Variants in PTPRA observed in about 807,000 individuals in gnomAD.
PTPRA encodes the protein protein tyrosine phosphatase receptor type A.
A neutral mutation model predicts 104.8 loss-of-function variants in PTPRA; 25 were observed. The observed-to-expected ratio is 0.24, with a 90% CI of 0.17 to 0.33. PTPRA has a LOEUF of 0.33. PTPRA is among the 10% of genes least tolerant of loss of function. The pLI, the probability that PTPRA is intolerant of heterozygous loss-of-function variation, is 1.00. For missense variants in PTPRA, 765 were observed against 1,015.3 expected (o/e 0.75, Z 3.35); for synonymous variants, 323 against 368.9 (o/e 0.88, Z 1.43).
intron 2 of PTPRA, among the ~76,000 whole-genome samples, chr20:2,929,395 T>C (rs1309739799): frequency 2.6e-5 from 4 of 152,260 alleles, no homozygotes; most frequent in Non-Finnish European, 5.9e-5. Context: ...GCCTCTGTTG[T>C]GTGTTCACAC....
intron 2 of PTPRA, among the ~76,000 whole-genome samples, chr20:2,940,672 T>C (rs1028022623): frequency 2.0e-5 from 3 of 152,184 alleles, no homozygotes; most frequent in Non-Finnish European, 4.4e-5. Context: ...GGGATCCTCC[T>C]GTCTCAGAGA....
chr20:2,910,596 T>TG lies in PTPRA; in HGVS notation c.-128-12611_-128-12610insG, dbSNP rs1198893256. On this transcript the variant is annotated intron_variant, in intron 1 of 23. Transcript: ENST00000399903. ...CCAGCTAGTTTTTTTTTTGTTTTTT[T>TG]TTTGTTTTTTTTAATTTTTTTTTTT... 1.8e-4 allele frequency among the ~76,000 whole-genome samples: 23 copies of TG among 126,738 alleles called. 1 individual carries two copies. Among genetic ancestry groups the TG allele is most frequent in the African/African-American group, 4.0e-4 (12 of 30,084 alleles). The allele number at this position is 126,738 out of a possible 152,430, so 83.1% of individuals were successfully genotyped here.
intron 2 of PTPRA, among the ~76,000 whole-genome samples, chr20:2,941,462 T>C (rs920582174): frequency 2.0e-5 from 3 of 152,244 alleles, no homozygotes; most frequent in Non-Finnish European, 4.4e-5. Context: ...GTTTACTTCC[T>C]GAATATCTCC....
At chr20:2,962,647 G>A (rs180922496) in intron 3 of PTPRA, among the ~76,000 whole-genome samples, 4 of 152,298 alleles carry the variant, frequency 2.6e-5, no homozygotes, top group Admixed American at 2.6e-4. Flanking sequence ...AGAGATCCAT[G>A]TTAATTCACT....
chr20:3,034,402 G>C (rs1381961710), intron 20 of PTPRA, among the ~76,000 whole-genome samples: 1 of 152,176 alleles, frequency 6.6e-6, no homozygotes, highest in Non-Finnish European at 1.5e-5. Context: ...GGGACCTTAT[G>C]GTTCTGATGG....
At chr20:2,871,363 C>T (rs1260470340), upstream of PTPRA, among the ~76,000 whole-genome samples, 3 of 152,142 alleles carry the variant, frequency 2.0e-5, no homozygotes, top group Admixed American at 6.5e-5. Context: ...TTGACTACCA[C>T]GCCCAACAAC....
intron 20 of PTPRA, among the ~76,000 whole-genome samples, chr20:3,033,493 C>G (rs2065626735): frequency 6.6e-6 from 1 of 152,018 alleles, no homozygotes; most frequent in African/African-American, 2.4e-5. Flanking sequence ...GCAGCCTCGT[C>G]TGCAGTGGCC....
intron 2 of PTPRA, among the ~76,000 whole-genome samples, chr20:2,933,495 C>T (rs986154744): frequency 6.6e-6 from 1 of 151,598 alleles, no homozygotes; most frequent in African/African-American, 2.4e-5. Context: ...GATCATCACT[C>T]TGTTACCCAG....
intron 5 of PTPRA, among the ~76,000 whole-genome samples, chr20:2,970,558 C>A (rs922383044): frequency 6.6e-6 from 1 of 152,144 alleles, no homozygotes; most frequent in East Asian, 1.9e-4. Flanking sequence ...CAAGGTTTTC[C>A]TGACTCGTTT....
intron 1 of PTPRA, among the ~76,000 whole-genome samples, chr20:2,908,914 G>A (rs907222390): frequency 3.9e-5 from 6 of 152,112 alleles, no homozygotes; most frequent in African/African-American, 1.2e-4. Flanking sequence ...AAATGTCACA[G>A]TATGACAATA....
intron 23 of PTPRA, 22 bp from the exon 24 acceptor site, chr20:3,038,037 T>G: frequency 1.9e-6 from 3 of 1,586,742 alleles, no homozygotes; most frequent in Non-Finnish European, 1.7e-6. Context: ...CCCTGACTTT[T>G]TCCCTACCTT....
At chr20:3,034,608 G>C (rs538546543) in intron 20 of PTPRA, among the ~76,000 whole-genome samples, 1 of 150,808 alleles carries the variant, frequency 6.6e-6, no homozygotes, top group Non-Finnish European at 1.5e-5. Flanking sequence ...ACCGATCCCT[G>C]AGGCATCCCC....
At chr20:2,868,310 C>CTTTTTTT in the PTPRA span, among the ~76,000 whole-genome samples, 1 of 104,166 alleles carries the variant, frequency 9.6e-6, no homozygotes, top group African/African-American at 4.2e-5. Context: ...GACTCCACCT[C>CTTTTTTT]TTTTTTTTTT....
In PTPRA at chr20:2,950,575, G is replaced by A. The variant is rs966459525; in HGVS notation, c.-7+2551G>A. 1.3e-5 allele frequency among the ~76,000 whole-genome samples: 2 copies of A among 151,626 alleles called. No homozygotes were observed. Among genetic ancestry groups the A allele is most frequent in the Non-Finnish European group, 2.9e-5 (2 of 67,902 alleles). ...GGAGAATGGCGTGAACCCAGGAGGC[G>A]GAGGTTGCAGTGAGCCGAGATCGCA... is the stretch of plus-strand genomic sequence containing the variant. On this transcript the variant is annotated intron_variant, in intron 3 of 23. Transcript: ENST00000399903. The surrounding 1 kb of genome is among the most constrained non-coding windows in gnomAD (Gnocchi z 4.0).
At chr20:2,960,397 C>T (rs1394739738) in intron 3 of PTPRA, among the ~76,000 whole-genome samples, 1 of 151,650 alleles carries the variant, frequency 6.6e-6, no homozygotes, top group African/African-American at 2.4e-5. Flanking sequence ...CTACAGGTGC[C>T]CGCCACCACA....
chr20:3,017,948 A>C, intron 13 of PTPRA, 35 bp downstream of exon 13: 7 of 1,538,152 alleles, frequency 4.6e-6, no homozygotes, highest in Non-Finnish European at 6.3e-6. Context: ...CAGCAGAAGG[A>C]TCACTCTGCA....
chr20:2,880,271 G>T (rs951193188), intron 1 of PTPRA, among the ~76,000 whole-genome samples: 1 of 152,120 alleles, frequency 6.6e-6, no homozygotes, highest in Non-Finnish European at 1.5e-5. Context: ...ACTTTTTATT[G>T]TTTTTATCTA....
Position 3,024,681 on chromosome 20 carries a change from G to A in PTPRA, c.1614+60G>A, listed in dbSNP as rs2065045855. Reference sequence around the variant, plus strand: ...AGGATCCTTGTAATCTGGGGAACATGGGATGCCTGACTGTGCATTTGCCAA... The same window carrying A: ...AGGATCCTTGTAATCTGGGGAACATAGGATGCCTGACTGTGCATTTGCCAA... On this transcript the variant is annotated intron_variant, in intron 17 of 23. Transcript: ENST00000399903. The A allele has an allele frequency of 3.8e-6, 6 of 1,591,656 alleles. No individual in the cohort carries two copies. In the South Asian group the frequency reaches 4.5e-5, roughly 12 times the overall value.
At chr20:2,934,670 T>G (rs2060625365) in intron 2 of PTPRA, among the ~76,000 whole-genome samples, 1 of 116,762 alleles carries the variant, frequency 8.6e-6, no homozygotes, top group African/African-American at 3.6e-5. Flanking sequence ...AATTAGAACC[T>G]TTTTTTTTTT....
Sources: allele counts gnomAD v4.1 joint callset (sites outside exome capture counted in the v4.1 genomes callset), GRCh38; gene constraint gnomAD v4.1.1; non-coding constraint Gnocchi (gnomAD v3.1); transcripts MANE v1.5; gene names NCBI Gene and HGNC (gene_info 2026-07-23, HGNC 2026-07-21).